CD34: variants seen among roughly 807,000 people sequenced by gnomAD.
The protein encoded by CD34 is hematopoietic progenitor cell antigen CD34.
In CD34, 34 loss-of-function variants were observed where a neutral mutation model predicts 40.1. That is an observed-to-expected ratio of 0.85 (90% CI 0.65 to 1.13). The LOEUF is 1.13. Among genes scored for constraint, CD34 ranks in the 50% most tolerant of loss-of-function variants. The probability of loss-of-function intolerance (pLI) is 0.00; values close to 1 mark genes in which losing one functional copy is unlikely to be tolerated. For missense variants in CD34, 426 were observed against 466.9 expected (o/e 0.91, Z 0.81); for synonymous variants, 209 against 190.0 (o/e 1.10, Z -0.82).
rs974137592 is a variant in CD34, at chr1:207,887,086, C to T, written c.*652G>A. 2 of 152,668 alleles carry T rather than the reference C, an allele frequency of 1.3e-5. No homozygotes were observed. The highest frequency in any genetic ancestry group is 2.4e-5 in the African/African-American group (1 of 41,408). 9.5% of individuals were successfully genotyped at this position (152,668 alleles called of 1,614,324 possible). A position where few individuals can be genotyped will look rare whatever the true frequency, so the allele number is the denominator to read the frequency against. ...GCTGTTTGTCCTAAAACTTGGGAGG[C>T]CTGTTCTAGGCTCCAGCCAGAAAAC... On this transcript the variant is annotated 3_prime_UTR_variant, in exon 8 of 8. Coordinates refer to ENST00000310833, the MANE Select transcript of CD34 (RefSeq NM_001025109.2).
chr1:207,888,029 G>A (rs2102294245), intron 7 of CD34, 106 bp from the exon 8 acceptor site: 1 of 1,563,680 alleles, frequency 6.4e-7, no homozygotes. Context: ...GGGAGAAGGG[G>A]GAGGGGGAGG....
Position 207,899,851 on chromosome 1 carries a change from G to GT in CD34, c.231dup (p.His78ThrfsTer4). 1 of 1,612,874 alleles carries GT rather than the reference G, an allele frequency of 6.2e-7. No individual in the cohort carries two copies. On this transcript the variant is annotated frameshift_variant, in exon 2 of 8. Coordinates refer to ENST00000310833, the MANE Select transcript of CD34 (RefSeq NM_001025109.2). LOFTEE classifies it high-confidence loss of function. ...ATGTTTGTTGTGGCCTCATTGCCAT[G>GT]TTGAGACACAGGGTGCAGGCTGGTA...
chr1:207,910,192 G>A (rs1467231840), intron 1 of CD34, among the ~76,000 whole-genome samples: 3 of 152,092 alleles, frequency 2.0e-5, no homozygotes, highest in Non-Finnish European at 4.4e-5. Flanking sequence ...AGTGGGGGCA[G>A]TGTTCTAACC....
intron 2 of CD34, 102 bp downstream of exon 2, chr1:207,899,719 T>A: frequency 9.6e-7 from 1 of 1,038,128 alleles, no homozygotes; most frequent in Non-Finnish European, 1.4e-6. Flanking sequence ...GGGACTTGTA[T>A]AATTTCCTCT....
intron 3 of CD34, 128 bp from the exon 4 acceptor site, chr1:207,897,701 G>A (rs1662177477): frequency 2.8e-6 from 2 of 711,514 alleles, no homozygotes; most frequent in African/African-American, 3.5e-5. Flanking sequence ...TAAGGAAAAG[G>A]ACATTTAAAA....
intron 4 of CD34, among the ~76,000 whole-genome samples, chr1:207,896,681 C>G (rs2102300246): frequency 6.6e-6 from 1 of 151,474 alleles, no homozygotes; most frequent in South Asian, 2.1e-4. Context: ...AAAAGAAAAC[C>G]AGAAAAAATG....
intron 3 of CD34, 38 bp from the exon 4 acceptor site, chr1:207,897,611 A>G (rs1353553566): frequency 1.4e-6 from 2 of 1,451,732 alleles, no homozygotes; most frequent in African/African-American, 1.4e-5. Context: ...AACAAAGTAA[A>G]TAAGCCAGTA....
chr1:207,889,193 G>A lies in CD34; in HGVS notation c.775C>T (p.Leu259Phe), dbSNP rs894409126. The A allele has an allele frequency of 1.9e-6, 3 of 1,611,094 alleles. No homozygotes were observed. The African/African-American group carries it at 4.0e-5, about 22-fold the overall frequency. Reference sequence around the variant, plus strand: ...AGGTCAGATTGGTGCTTTTTCATAAGTTGGAGTTTGCTGGAAATTTCTAGA... The same window carrying A: ...AGGTCAGATTGGTGCTTTTTCATAAATTGGAGTTTGCTGGAAATTTCTAGA... ...NRTEISSKLQ[L>F]MKKHQSDLKK... is the part of the protein sequence containing the mutation. The change falls in exon 6 of 8, where the codon CTT (leucine) becomes TTT (phenylalanine). Residue 259 changes from leucine to phenylalanine, a missense_variant. Coordinates refer to ENST00000310833, the MANE Select transcript of CD34 (RefSeq NM_001025109.2).
chr1:207,909,234 C>T (rs1361190499), intron 1 of CD34, among the ~76,000 whole-genome samples: 1 of 152,100 alleles, frequency 6.6e-6, no homozygotes, highest in African/African-American at 2.4e-5. Context: ...CCAACCCCAA[C>T]CTCGGCAGGC....
At chr1:207,894,607 A>T (rs1038106108) in intron 4 of CD34, among the ~76,000 whole-genome samples, 3 of 152,242 alleles carry the variant, frequency 2.0e-5, no homozygotes, top group Non-Finnish European at 4.4e-5. Flanking sequence ...GCATAATAGT[A>T]TAAAGTAATC....
At chr1:207,909,706 C>T (rs1242787207) in intron 1 of CD34, among the ~76,000 whole-genome samples, 1 of 152,168 alleles carries the variant, frequency 6.6e-6, no homozygotes, top group Non-Finnish European at 1.5e-5. Flanking sequence ...TGCGCCCGGC[C>T]GACTCACTCC....
At chr1:207,892,864 T>C (rs906068250) in intron 4 of CD34, among the ~76,000 whole-genome samples, 19 of 152,226 alleles carry the variant, frequency 1.2e-4, no homozygotes, top group Admixed American at 9.8e-4. Flanking sequence ...GTTGTTCAAC[T>C]TAACATCCCA....
chr1:207,887,928 A>T lies in CD34; in HGVS notation c.973-5T>A. 1 of 1,612,554 alleles carries T rather than the reference A, an allele frequency of 6.2e-7. No individual in the cohort carries two copies. Among genetic ancestry groups the T allele is most frequent in the Non-Finnish European group, 8.5e-7 (1 of 1,179,384 alleles). ...CGTGTAATAAGGGTCTTCGCCCTAG[A>T]CAGTGTATAAATAAAGTAGCATTAT... On this transcript the variant is annotated splice_region_variant and splice_polypyrimidine_tract_variant and intron_variant, in intron 7 of 7. Transcript: ENST00000310833.
intron 3 of CD34, 56 bp downstream of exon 3, chr1:207,898,917 G>T (rs1383114616): frequency 4.4e-6 from 7 of 1,582,952 alleles, no homozygotes; most frequent in Non-Finnish European, 4.3e-6. Flanking sequence ...GAAACAGCTT[G>T]CCTGCATACA....
chr1:207,892,041 G>A (rs1442976384), intron 4 of CD34, among the ~76,000 whole-genome samples: 1 of 152,100 alleles, frequency 6.6e-6, no homozygotes, highest in Non-Finnish European at 1.5e-5. Context: ...GGGACAGCAT[G>A]CATTATTCCA....
chr1:207,910,495 C>A (rs758770245), intron 1 of CD34, among the ~76,000 whole-genome samples: 4 of 152,188 alleles, frequency 2.6e-5, no homozygotes, highest in Non-Finnish European at 5.9e-5. Context: ...GGAGCCTCAT[C>A]CCTGATTCGC....
At chr1:207,903,697 T>C (rs1297497393) in intron 1 of CD34, among the ~76,000 whole-genome samples, 3 of 152,262 alleles carry the variant, frequency 2.0e-5, no homozygotes, top group Non-Finnish European at 4.4e-5. Flanking sequence ...GAGTCAATTA[T>C]TCTTGTTTTA....
chr1:207,907,905 T>C (rs1281730505), intron 1 of CD34, among the ~76,000 whole-genome samples: 1 of 152,198 alleles, frequency 6.6e-6, no homozygotes, highest in African/African-American at 2.4e-5. Context: ...TGTGTTCTTT[T>C]TCCATACCTT....
intron 1 of CD34, among the ~76,000 whole-genome samples, chr1:207,900,780 C>T (rs73072986): frequency 0.054 from 8,238 of 152,242 alleles, 401 homozygotes; most frequent in African/African-American, 0.13. Flanking sequence ...CTTCCAATAA[C>T]TAACCATGTA....
Sources: allele counts gnomAD v4.1 joint callset (sites outside exome capture counted in the v4.1 genomes callset), GRCh38; gene constraint gnomAD v4.1.1; transcripts MANE v1.5; gene names NCBI Gene and HGNC (gene_info 2026-07-23, HGNC 2026-07-21).